Variants in C2orf49 observed in about 807,000 individuals in gnomAD.
C2orf49 encodes the protein tRNA-splicing ligase complex subunit ASW.
In C2orf49, 11 loss-of-function variants were observed where a neutral mutation model predicts 20.6. The observed-to-expected ratio is 0.53, with a 90% CI of 0.34 to 0.88. C2orf49 has a LOEUF of 0.88. Among genes scored for constraint, C2orf49 ranks in the 40% least tolerant of loss-of-function variants. The pLI, the probability that C2orf49 is intolerant of heterozygous loss-of-function variation, is 0.02. For synonymous variants in C2orf49, 134 were observed against 108.5 expected, an observed-to-expected ratio of 1.24 and a Z score of -1.46; for missense variants, 289 against 274.2, an observed-to-expected ratio of 1.05 and a Z score of -0.38.
chr2:105,338,054 T>C (rs1679553501), intron 1 of C2orf49, among the ~76,000 whole-genome samples: 1 of 152,176 alleles, frequency 6.6e-6, no homozygotes, highest in South Asian at 2.1e-4. Flanking sequence ...GGAAAGCATC[T>C]GAGAAACCGT....
chr2:105,361,242 CTG>C, the C2orf49 span: 3 of 1,583,366 alleles, frequency 1.9e-6, no homozygotes, highest in Middle Eastern at 3.4e-4. Flanking sequence ...ACATAAAAAT[CTG>C]TGTGTGAGAT....
the C2orf49 span, among the ~76,000 whole-genome samples, chr2:105,380,211 G>A: frequency 8.5e-5 from 13 of 152,260 alleles, no homozygotes; most frequent in South Asian, 2.5e-3. Flanking sequence ...TTAGCCACAC[G>A]ATTCCCTAGA....
the C2orf49 span, among the ~76,000 whole-genome samples, chr2:105,370,835 G>A: frequency 1.3e-5 from 2 of 152,130 alleles, no homozygotes; most frequent in Non-Finnish European, 2.9e-5. Flanking sequence ...GTAAAATGGG[G>A]ATGAAGCCAT....
intron 1 of C2orf49, among the ~76,000 whole-genome samples, chr2:105,338,218 G>A (rs966575141): frequency 3.9e-5 from 6 of 152,202 alleles, no homozygotes; most frequent in African/African-American, 1.4e-4. Context: ...TTTCCAGCTG[G>A]TGTGGCCTCT....
rs961428632 is a variant in C2orf49, at chr2:105,348,554, A to G, written c.*3183A>G. 2 of 146,924 alleles carry G rather than the reference A, an allele frequency of 1.4e-5. No homozygotes were observed. Among genetic ancestry groups the G allele is most frequent in the African/African-American group, 4.9e-5 (2 of 40,526 alleles). 9.1% of individuals were successfully genotyped at this position (146,924 alleles called of 1,614,324 possible). On this transcript the variant is annotated 3_prime_UTR_variant, in exon 4 of 4. Transcript: ENST00000258457. ...TATATATATATATATATATATATAT[A>G]TATGTAAGAGCTTCCTCTATTTACT...
At chr2:105,344,454 TATAGAG>T (rs1679757474) in intron 3 of C2orf49, among the ~76,000 whole-genome samples, 1 of 151,748 alleles carries the variant, frequency 6.6e-6, no homozygotes. Flanking sequence ...TATATATATA[TATAGAG>T]AGAGAGAGTG....
downstream of C2orf49, among the ~76,000 whole-genome samples, chr2:105,351,292 A>T (rs1455048236): frequency 7.0e-6 from 1 of 143,024 alleles, no homozygotes; most frequent in East Asian, 2.1e-4. Context: ...TTCCCTTCTA[A>T]ATGTCATTTT....
rs539984866 is a variant in C2orf49 at position 105,346,678 on chromosome 2, T to C, written c.*1307T>C. On this transcript the variant is annotated 3_prime_UTR_variant, in exon 4 of 4. Coordinates refer to ENST00000258457, the MANE Select transcript of C2orf49 (RefSeq NM_024093.3). ...ATAGAGGAGCTACTGGAGTCAGAAG[T>C]CACTGCAGAGTGCAACATAGGAAGA... 6.6e-6 allele frequency: 1 copy of C among 152,290 alleles called. No individual in the cohort carries two copies. The highest frequency in any genetic ancestry group is 1.9e-4 in the East Asian group (1 of 5,190). The allele number at this position is 152,290 out of a possible 1,614,324, so 9.4% of individuals were successfully genotyped here. A position where few individuals can be genotyped will look rare whatever the true frequency, so the allele number is the denominator to read the frequency against.
the C2orf49 span, among the ~76,000 whole-genome samples, chr2:105,380,327 T>C: frequency 1.3e-5 from 2 of 152,214 alleles, no homozygotes; most frequent in African/African-American, 4.8e-5. Flanking sequence ...TCTGAATCTT[T>C]ACCTGTGAAG....
At chr2:105,351,147 A>G (rs1214150082), downstream of C2orf49, among the ~76,000 whole-genome samples, 1 of 152,156 alleles carries the variant, frequency 6.6e-6, no homozygotes, top group Non-Finnish European at 1.5e-5. Context: ...GGGGAGGACT[A>G]CAGAGGTAAA....
rs935910599 is a variant in C2orf49, at chr2:105,348,967, G to C, written c.*3596G>C. ...AATGAGAGGGTGGCTGGAGTGGTCT[G>C]GTGCTGGGATATCACGGTGCTACAG... On this transcript the variant is annotated 3_prime_UTR_variant, in exon 4 of 4. Coordinates refer to ENST00000258457, the MANE Select transcript of C2orf49 (RefSeq NM_024093.3). 5 of 152,118 alleles carry C rather than the reference G, an allele frequency of 3.3e-5. No individual in the cohort carries two copies. The highest frequency in any genetic ancestry group is 1.2e-4 in the African/African-American group (5 of 41,406). 9.4% of individuals were successfully genotyped at this position (152,118 alleles called of 1,614,324 possible).
intron 2 of C2orf49, 54 bp from the exon 3 acceptor site, chr2:105,342,794 A>G (rs1408106068): frequency 2.0e-6 from 3 of 1,535,156 alleles, no homozygotes; most frequent in African/African-American, 2.8e-5. Flanking sequence ...ATCCCAGTGA[A>G]CTGGTTTGCC....
In C2orf49 at chr2:105,343,235, G is replaced by A; in HGVS notation, c.642+12G>A. ...AGGCAGAGGCCATGGTAAGTATGGG[G>A]GTGGTTTCCATGCTGGTAAGTGGTC... is the stretch of plus-strand genomic sequence containing the variant. On this transcript the variant is annotated intron_variant, in intron 3 of 3. Transcript: ENST00000258457. 2 of 1,555,140 alleles carry A rather than the reference G, an allele frequency of 1.3e-6. No homozygotes were observed. Among genetic ancestry groups the A allele is most frequent in the South Asian group, 2.4e-5 (2 of 82,330 alleles).
downstream of C2orf49, among the ~76,000 whole-genome samples, chr2:105,353,772 C>G (rs1679991392): frequency 6.6e-6 from 1 of 152,186 alleles, no homozygotes. Flanking sequence ...CATTTAATAA[C>G]TAGGCAGAAA....
downstream of C2orf49, among the ~76,000 whole-genome samples, chr2:105,353,561 G>A (rs1679987941): frequency 6.6e-6 from 1 of 152,130 alleles, no homozygotes; most frequent in Non-Finnish European, 1.5e-5. Flanking sequence ...TTTAGGGGAC[G>A]GTGGGCTAGG....
the C2orf49 span, chr2:105,358,414 G>A: frequency 6.6e-6 from 1 of 152,232 alleles, no homozygotes; most frequent in Non-Finnish European, 1.5e-5. Flanking sequence ...GCTAGGGTAG[G>A]GGCAATTGGA....
In C2orf49 at chr2:105,348,885, T is replaced by C. The variant is rs961461234; in HGVS notation, c.*3514T>C. On this transcript the variant is annotated 3_prime_UTR_variant, in exon 4 of 4. Coordinates refer to ENST00000258457, the MANE Select transcript of C2orf49 (RefSeq NM_024093.3). ...TATAGTACAACTTTCTATACCTGGA[T>C]TGATTAAGATCAGATGTGATTCGAG... is the stretch of plus-strand genomic sequence containing the variant. The C allele has an allele frequency of 6.6e-6, 1 of 152,190 alleles. No homozygotes were observed. The highest frequency in any genetic ancestry group is 2.4e-5 in the African/African-American group (1 of 41,440). The allele number at this position is 152,190 out of a possible 1,614,324, so 9.4% of individuals were successfully genotyped here.
At chr2:105,379,054 A>C in the C2orf49 span, among the ~76,000 whole-genome samples, 1 of 152,136 alleles carries the variant, frequency 6.6e-6, no homozygotes, top group Non-Finnish European at 1.5e-5. Flanking sequence ...GCACGTGATT[A>C]AATTGCTTGG....
the C2orf49 span, chr2:105,367,614 A>G: frequency 6.2e-7 from 1 of 1,614,152 alleles, no homozygotes; most frequent in South Asian, 1.1e-5. Context: ...TTCTCATAGC[A>G]GGGCACACAG....
Sources: allele counts gnomAD v4.1 joint callset (sites outside exome capture counted in the v4.1 genomes callset), GRCh38; gene constraint gnomAD v4.1.1; transcripts MANE v1.5; gene names NCBI Gene and HGNC (gene_info 2026-07-23, HGNC 2026-07-21).